The following NIPBL variants were observed in gnomAD, a reference collection of about 807,000 sequenced individuals.
NIPBL encodes the protein NIPBL cohesin loading factor.
In NIPBL, 19 loss-of-function variants were observed where a neutral mutation model predicts 321.8. The ratio of observed to expected loss-of-function variants is 0.06; its 90% CI spans 0.04 to 0.09. The LOEUF (loss-of-function observed/expected upper bound fraction) is 0.09, where lower values mean the gene tolerates loss of function less well. Among genes scored for constraint, NIPBL ranks in the 10% least tolerant of loss-of-function variants. The probability of loss-of-function intolerance (pLI) is 1.00; values close to 1 mark genes in which losing one functional copy is unlikely to be tolerated. For synonymous variants in NIPBL, 1,106 were observed against 1,114.1 expected, an observed-to-expected ratio of 0.99 and a Z score of 0.14; for missense variants, 2,210 against 3,327.0, an observed-to-expected ratio of 0.66 and a Z score of 8.26.
chr5:36,967,319 C>T (rs1452382819), intron 6 of NIPBL, among the ~76,000 whole-genome samples: 1 of 152,018 alleles, frequency 6.6e-6, no homozygotes, highest in African/African-American at 2.4e-5. Context: ...TTTTAGAGAA[C>T]CGTGTGTTTG....
At chr5:37,047,435 T>C (rs1286161445) in intron 38 of NIPBL, among the ~76,000 whole-genome samples, 1 of 152,230 alleles carries the variant, frequency 6.6e-6, no homozygotes, top group Non-Finnish European at 1.5e-5. Context: ...TGAAACCTTA[T>C]CATTTTATTC....
chr5:36,900,020 G>GTGA (rs1376236608), intron 1 of NIPBL, among the ~76,000 whole-genome samples: 1 of 152,074 alleles, frequency 6.6e-6, no homozygotes, highest in African/African-American at 2.4e-5. Context: ...CTTATTCTTA[G>GTGA]TGATGATGAT....
chr5:36,913,431 C>G (rs910510233), intron 1 of NIPBL, among the ~76,000 whole-genome samples: 8 of 150,326 alleles, frequency 5.3e-5, no homozygotes, highest in Non-Finnish European at 1.0e-4. Context: ...TGCTCCGTCT[C>G]CCAGGCTGGA....
At chr5:36,952,758 A>G (rs764042093) in intron 1 of NIPBL, among the ~76,000 whole-genome samples, 1 of 152,232 alleles carries the variant, frequency 6.6e-6, no homozygotes, top group Admixed American at 6.5e-5. Context: ...ATGTGGTTGC[A>G]TATTGATTAT....
chr5:37,064,252 C>CTAAGTTT (rs1470523051), intron 46 of NIPBL: 1 of 1,370,218 alleles, frequency 7.3e-7, no homozygotes, highest in Non-Finnish European at 9.4e-7. Context: ...TTTATTGTTG[C>CTAAGTTT]TAAGTTTTAT....
At chr5:37,051,590 A>C in intron 40 of NIPBL, 189 bp from the exon 41 acceptor site, 1 of 606,576 alleles carries the variant, frequency 1.6e-6, no homozygotes, top group Admixed American at 3.1e-5. Flanking sequence ...CTGGTGCTCC[A>C]GTGCTTTCTG....
intron 24 of NIPBL, among the ~76,000 whole-genome samples, chr5:37,018,641 C>T (rs907965401): frequency 5.3e-5 from 8 of 152,064 alleles, no homozygotes; most frequent in Non-Finnish European, 1.2e-4. Flanking sequence ...CTCTTATTGC[C>T]ATGTATGGCT....
chr5:36,918,880 T>G (rs1160854600), intron 1 of NIPBL, among the ~76,000 whole-genome samples: 1 of 152,228 alleles, frequency 6.6e-6, no homozygotes, highest in Non-Finnish European at 1.5e-5. Context: ...GAAACCCACT[T>G]GATCACGGTG....
intron 46 of NIPBL, chr5:37,064,220 A>G (rs1404117130): frequency 3.6e-6 from 5 of 1,391,022 alleles, no homozygotes. Context: ...TTTTTCTTTG[A>G]ATTGTATTAA....
Position 36,984,919 on chromosome 5 carries a change from T to C in NIPBL, c.1739T>C (p.Val580Ala). Residue 580 changes from valine (V) to alanine (A), a missense_variant, in exon 10 of 47, where the codon GTT (valine) becomes GCT (alanine). Val to Ala is a moderately conservative substitution (Grantham distance 64). Coordinates refer to ENST00000282516, the MANE Select transcript of NIPBL (RefSeq NM_133433.4). The part of the protein sequence containing the change: ...IKQCNDAPVS[V>A]LQEDIVGSLK... ...CAATGTAATGATGCACCTGTTTCTG[T>C]TCTTCAGGAAGATATTGTTGGAAGT... 6.2e-7 allele frequency: 1 copy of C among 1,613,882 alleles called. No homozygotes were observed. Among genetic ancestry groups the C allele is most frequent in the Non-Finnish European group, 8.5e-7 (1 of 1,179,904 alleles).
chr5:36,972,507 G>A (rs1312906747), intron 8 of NIPBL, among the ~76,000 whole-genome samples: 2 of 151,628 alleles, frequency 1.3e-5, no homozygotes, highest in Non-Finnish European at 2.9e-5. Flanking sequence ...ATCACTCATT[G>A]TACTTTTTTC....
At chr5:36,981,483 C>T (rs1010233225) in intron 9 of NIPBL, among the ~76,000 whole-genome samples, 2 of 151,752 alleles carry the variant, frequency 1.3e-5, no homozygotes, top group East Asian at 1.9e-4. Context: ...TCTGTATATA[C>T]GTTGATAAGG....
At chr5:36,881,755 T>C (rs1342493150) in intron 1 of NIPBL, among the ~76,000 whole-genome samples, 2 of 152,006 alleles carry the variant, frequency 1.3e-5, no homozygotes, top group African/African-American at 4.8e-5. Context: ...GCAAAGAAGC[T>C]GAAATAGAAT....
Position 36,937,802 on chromosome 5 carries a change from A to T in NIPBL, c.-79-15816A>T, listed in dbSNP as rs1438444826. ...AGACTTAAGCCTTATTTTAGGACCA[A>T]CTCTTGGAGTTTGGAGAACAATGTG... is the stretch of plus-strand genomic sequence containing the variant. On this transcript the variant is annotated intron_variant, in intron 1 of 46. Transcript: ENST00000282516. Among the ~76,000 whole-genome samples the T allele has an allele frequency of 2.0e-5, 3 of 151,864 alleles. No homozygotes were observed. The South Asian group carries it at 6.3e-4, about 32-fold the overall frequency.
chr5:36,888,424 A>G (rs1369732998), intron 1 of NIPBL, among the ~76,000 whole-genome samples: 1 of 152,132 alleles, frequency 6.6e-6, no homozygotes, highest in Admixed American at 6.5e-5. Context: ...ATTCATTTCA[A>G]TACTTTGTGT....
chr5:37,027,615 T>TTG (rs1249582338), intron 32 of NIPBL, among the ~76,000 whole-genome samples: 5 of 140,320 alleles, frequency 3.6e-5, no homozygotes, highest in Non-Finnish European at 4.6e-5. Flanking sequence ...TTTTTTTTTT[T>TTG]TTTTTTTTTT....
chr5:37,020,366 T>A (rs1334847814), intron 25 of NIPBL, 93 bp from the exon 26 acceptor site: 2 of 860,126 alleles, frequency 2.3e-6, no homozygotes, highest in Non-Finnish European at 3.8e-6. Flanking sequence ...ACTTTAATAT[T>A]TGTATTCCTG....
chr5:36,900,493 T>A (rs1307895222), intron 1 of NIPBL, among the ~76,000 whole-genome samples: 1 of 152,106 alleles, frequency 6.6e-6, no homozygotes, highest in Non-Finnish European at 1.5e-5. Context: ...TGTGACTTGC[T>A]CAAGAGATGA....
intron 33 of NIPBL, among the ~76,000 whole-genome samples, chr5:37,038,050 C>T (rs903695206): frequency 2.7e-5 from 4 of 145,930 alleles, no homozygotes; most frequent in Non-Finnish European, 4.5e-5. Context: ...GGTGTAGTGG[C>T]GCAATCATAG....
Sources: gnomAD v4.1 joint callset for allele counts (sites outside exome capture counted in the v4.1 genomes callset) on GRCh38, gnomAD v4.1.1 for gene constraint, MANE v1.5 for transcripts, NCBI Gene and HGNC (gene_info 2026-07-23, HGNC 2026-07-21) for gene names.